Variants in CNTNAP4 observed in about 807,000 individuals in gnomAD.
The protein encoded by CNTNAP4 is contactin associated protein family member 4, also known as contactin-associated protein-like 4.
In CNTNAP4, 98 loss-of-function variants were observed where a neutral mutation model predicts 148.4. The observed-to-expected ratio is 0.66, with a 90% confidence interval of 0.56 to 0.78. The LOEUF is 0.78. CNTNAP4 is among the 30% of genes least tolerant of loss of function. The pLI, the probability that CNTNAP4 is intolerant of heterozygous loss-of-function variation, is 0.00. For synonymous variants in CNTNAP4, 730 were observed against 565.1 expected, an observed-to-expected ratio of 1.29 and a Z score of -4.14; for missense variants, 1,935 against 1,565.6, an observed-to-expected ratio of 1.24 and a Z score of -3.98.
intron 1 of CNTNAP4, among the ~76,000 whole-genome samples, chr16:76,294,351 A>G (rs986232677): frequency 4.6e-5 from 7 of 152,182 alleles, no homozygotes; most frequent in Admixed American, 1.3e-4. Context: ...TTAAAAATCA[A>G]TAAATAACCA....
chr16:76,479,473 T>G lies in CNTNAP4; in HGVS notation c.1817T>G (p.Phe606Cys). Residue 606 changes from phenylalanine to cysteine, a missense_variant, in exon 12 of 24, where the codon TTT becomes TGT. Physicochemically the swap from Phe to Cys is radical, Grantham distance 205 (BLOSUM62 -2). Transcript: ENST00000611870. ...AAGCACAGAGGAAATACTTCAGGGT[T>G]TTACTATATAGATTCAGATGGAAGT... is the stretch of plus-strand genomic sequence containing the variant. ...AYKHRGNTSG[F>C]YYIDSDGSGP... 6.2e-7 allele frequency: 1 copy of G among 1,611,158 alleles called. No individual in the cohort carries two copies. Among genetic ancestry groups the G allele is most frequent in the Non-Finnish European group, 8.5e-7 (1 of 1,178,680 alleles).
At chr16:76,537,081 C>G (rs927531551) in intron 18 of CNTNAP4, among the ~76,000 whole-genome samples, 20 of 152,092 alleles carry the variant, frequency 1.3e-4, no homozygotes, top group African/African-American at 4.8e-4. Flanking sequence ...ACTGCTGGTA[C>G]CATTCTAGGA....
At chr16:76,416,819 A>G (rs12919352) in intron 3 of CNTNAP4, among the ~76,000 whole-genome samples, 52,859 of 151,094 alleles carry the variant, frequency 0.35, 10,894 homozygotes, top group Non-Finnish European at 0.44. Context: ...AATTATTCCA[A>G]CTATAATAAT....
At position 76,489,782 on chromosome 16, in the gene CNTNAP4, T is replaced by C; in HGVS notation, c.1979T>C (p.Val660Ala). 6.2e-7 allele frequency: 1 copy of C among 1,605,390 alleles called. No homozygotes were observed. The highest frequency in any genetic ancestry group is 8.5e-7 in the Non-Finnish European group (1 of 1,175,556). ...ENPYAGFFEY[V>A]ASMEQLQATI... is the part of the protein sequence containing the mutation. ...CCATATGCTGGGTTTTTCGAGTATG[T>C]GGCCAGCATGGAGCAACTTCAGGCC... The change falls in exon 13 of 24, where the codon GTG (valine) becomes GCG (alanine). Residue 660 changes from valine to alanine, a missense_variant. Coordinates refer to ENST00000611870, the MANE Select transcript of CNTNAP4 (RefSeq NM_033401.5).
At chr16:76,328,033 A>G (rs932476006) in intron 2 of CNTNAP4, among the ~76,000 whole-genome samples, 1 of 152,156 alleles carries the variant, frequency 6.6e-6, no homozygotes, top group Non-Finnish European at 1.5e-5. Flanking sequence ...GTGGAACGAA[A>G]TGCTTCCTGA....
intron 15 of CNTNAP4, among the ~76,000 whole-genome samples, chr16:76,519,533 A>T (rs528710339): frequency 7.2e-5 from 11 of 152,342 alleles, no homozygotes; most frequent in African/African-American, 2.6e-4. Context: ...GCTTATTTTT[A>T]TGTTAATGTA....
At chr16:76,297,784 C>G (rs1959468129) in intron 1 of CNTNAP4, among the ~76,000 whole-genome samples, 1 of 152,106 alleles carries the variant, frequency 6.6e-6, no homozygotes, top group African/African-American at 2.4e-5. Flanking sequence ...AGATAACTTG[C>G]TCTCTTTAAT....
chr16:76,306,915 C>A (rs1361588548), intron 1 of CNTNAP4, among the ~76,000 whole-genome samples: 1 of 152,108 alleles, frequency 6.6e-6, no homozygotes, highest in Non-Finnish European at 1.5e-5. Context: ...CAAGTTGAAG[C>A]AGTATGTATC....
rs1246620474 is a variant in CNTNAP4 at position 76,419,745 on chromosome 16, T to C, written c.391-7707T>C. Among the ~76,000 whole-genome samples, 5 of 152,052 alleles carry C rather than the reference T, an allele frequency of 3.3e-5. No homozygotes were observed. In the East Asian group the frequency reaches 5.8e-4, roughly 18 times the overall value. Reference sequence around the variant, plus strand: ...TTAAACAACAGACATTTATTACTTATAGTTCTTGAGGTTGAAAAGTCCGAG... The same window carrying C: ...TTAAACAACAGACATTTATTACTTACAGTTCTTGAGGTTGAAAAGTCCGAG... On this transcript the variant is annotated intron_variant, in intron 3 of 23. Transcript: ENST00000611870.
intron 23 of CNTNAP4, among the ~76,000 whole-genome samples, chr16:76,556,821 A>G (rs114580741): frequency 6.6e-6 from 1 of 152,222 alleles, no homozygotes; most frequent in African/African-American, 2.4e-5. Flanking sequence ...CATTTATATT[A>G]ATCAGCAACG....
At chr16:76,319,731 C>T (rs1962209609) in intron 2 of CNTNAP4, among the ~76,000 whole-genome samples, 1 of 152,098 alleles carries the variant, frequency 6.6e-6, no homozygotes. Flanking sequence ...AGTGATACAG[C>T]TGCAAACCAA....
At chr16:76,462,126 C>G (rs1391438408) in intron 9 of CNTNAP4, 21 bp downstream of exon 9, 6 of 1,597,114 alleles carry the variant, frequency 3.8e-6, no homozygotes, top group African/African-American at 1.3e-5. Context: ...GTGCCAGGCT[C>G]TATGAGCAAC....
At chr16:76,306,585 A>T (rs1279703980) in intron 1 of CNTNAP4, among the ~76,000 whole-genome samples, 1 of 152,250 alleles carries the variant, frequency 6.6e-6, no homozygotes, top group Non-Finnish European at 1.5e-5. Context: ...GAGATGTCAC[A>T]GGCAGGAGTC....
Position 76,462,113 on chromosome 16 carries a change from T to G in CNTNAP4, c.1483+8T>G, listed in dbSNP as rs751120078. ...GCACCTATTATTTTGGAGGTAAGAA[T>G]AGGTGCCAGGCTCTATGAGCAACTG... On this transcript the variant is annotated splice_region_variant and intron_variant, in intron 9 of 23. Coordinates refer to ENST00000611870, the MANE Select transcript of CNTNAP4 (RefSeq NM_033401.5). 1.3e-5 allele frequency: 21 copies of G among 1,611,668 alleles called. No homozygotes were observed. In the East Asian group the frequency reaches 4.7e-4, roughly 36 times the overall value.
intron 3 of CNTNAP4, among the ~76,000 whole-genome samples, chr16:76,426,725 T>C (rs1000109337): frequency 2.6e-5 from 4 of 152,172 alleles, no homozygotes; most frequent in Non-Finnish European, 5.9e-5. Flanking sequence ...GAGGGATTTT[T>C]TTTTCTTTCC....
intron 11 of CNTNAP4, among the ~76,000 whole-genome samples, chr16:76,476,824 A>G (rs1451550342): frequency 6.6e-6 from 1 of 152,174 alleles, no homozygotes; most frequent in Admixed American, 6.5e-5. Flanking sequence ...AGGTTTCAAC[A>G]TACACGTTTT....
intron 10 of CNTNAP4, among the ~76,000 whole-genome samples, chr16:76,468,618 G>C (rs2081260356): frequency 6.6e-6 from 1 of 152,094 alleles, no homozygotes; most frequent in African/African-American, 2.4e-5. Context: ...CTGAGTCACT[G>C]GGACTGCAGG....
At chr16:76,357,787 A>G (rs1332770278) in intron 3 of CNTNAP4, among the ~76,000 whole-genome samples, 1 of 152,146 alleles carries the variant, frequency 6.6e-6, no homozygotes, top group Admixed American at 6.5e-5. Flanking sequence ...ATTATATTCT[A>G]TTTAATACCA....
At chr16:76,473,954 A>C (rs1048787612) in intron 10 of CNTNAP4, among the ~76,000 whole-genome samples, 4 of 152,030 alleles carry the variant, frequency 2.6e-5, no homozygotes, top group African/African-American at 9.7e-5. Context: ...GGTATCAATA[A>C]TTTGATCACG....
Sources: gnomAD v4.1 joint callset for allele counts (sites outside exome capture counted in the v4.1 genomes callset) on GRCh38, gnomAD v4.1.1 for gene constraint, MANE v1.5 for transcripts, NCBI Gene and HGNC (gene_info 2026-07-23, HGNC 2026-07-21) for gene names.